The following SCAI variants were observed in gnomAD, a reference collection of about 807,000 sequenced individuals.
SCAI encodes protein SCAI.
Under a neutral mutation model 92.2 loss-of-function variants are expected in SCAI, and 24 were observed. The ratio of observed to expected loss-of-function variants is 0.26; its 90% confidence interval spans 0.19 to 0.37. SCAI has a LOEUF of 0.37. SCAI is among the 10% of genes least tolerant of loss of function. The pLI is 1.00. For synonymous variants in SCAI, 261 were observed against 258.6 expected, an observed-to-expected ratio of 1.01 and a Z score of -0.09; for missense variants, 450 against 736.2, an observed-to-expected ratio of 0.61 and a Z score of 4.50.
intron 17 of SCAI, among the ~76,000 whole-genome samples, chr9:124,958,438 A>G (rs533567190): frequency 7.2e-5 from 11 of 152,376 alleles, no homozygotes; most frequent in Admixed American, 2.0e-4. Flanking sequence ...GATTTTCAAC[A>G]AAGTTACCAA....
At chr9:124,967,090 T>C (rs757327754) in intron 17 of SCAI, among the ~76,000 whole-genome samples, 4 of 152,208 alleles carry the variant, frequency 2.6e-5, no homozygotes, top group Non-Finnish European at 5.9e-5. Flanking sequence ...TGTTGCTTCA[T>C]GTATAAAGTG....
chr9:125,107,127 C>T (rs1171183677), intron 2 of SCAI, among the ~76,000 whole-genome samples: 3 of 151,878 alleles, frequency 2.0e-5, no homozygotes, highest in Non-Finnish European at 4.4e-5. Flanking sequence ...ATAAATACAA[C>T]AGGCTGGGCA....
chr9:125,004,734 CATATATATATATATATATATATAT>C (rs1165021670), intron 9 of SCAI, among the ~76,000 whole-genome samples: 538 of 27,668 alleles, frequency 0.019, 33 homozygotes, highest in East Asian at 0.069. Flanking sequence ...AACTGTGATC[CATATATATATATATATATATATAT>C]ATATATATAT....
chr9:125,070,679 A>T (rs1750741709), intron 2 of SCAI, among the ~76,000 whole-genome samples: 1 of 152,234 alleles, frequency 6.6e-6, no homozygotes, highest in Admixed American at 6.5e-5. Context: ...GATTACAAGC[A>T]TGAGCCACCA....
chr9:125,057,785 A>G (rs1833700189), intron 2 of SCAI, among the ~76,000 whole-genome samples: 1 of 152,170 alleles, frequency 6.6e-6, no homozygotes, highest in Non-Finnish European at 1.5e-5. Context: ...CTATATAAAG[A>G]GGGAAGGATC....
intron 2 of SCAI, among the ~76,000 whole-genome samples, chr9:125,100,340 A>G (rs1367374041): frequency 6.6e-6 from 1 of 152,228 alleles, no homozygotes; most frequent in Non-Finnish European, 1.5e-5. Flanking sequence ...TGAGAGCTTT[A>G]CACAGATTCT....
At chr9:125,072,341 T>C (rs994995230) in intron 2 of SCAI, among the ~76,000 whole-genome samples, 1 of 152,166 alleles carries the variant, frequency 6.6e-6, no homozygotes, top group Non-Finnish European at 1.5e-5. Context: ...AAAGATATAG[T>C]TACATTAAAA....
In SCAI at chr9:124,971,394, G is replaced by C. The variant is rs759968649; in HGVS notation, c.1650C>G (p.Thr550=). The C allele has an allele frequency of 5.0e-6, 8 of 1,610,728 alleles. No homozygotes were observed. In the East Asian group the frequency reaches 8.9e-5, roughly 18 times the overall value. ...LLTRFIFCSA[T]MRMHKIFRET... is the part of the protein sequence containing the mutation. Reference sequence around the variant, plus strand: ...CCCGAAAAATCTTGTGCATCCTCATGGTGGCTGAACAAAAGATAAATCTTG... The same window carrying C: ...CCCGAAAAATCTTGTGCATCCTCATCGTGGCTGAACAAAAGATAAATCTTG... The change falls in exon 17 of 18, where the codon ACC becomes ACG. Residue 550 remains threonine, a synonymous_variant. Transcript: ENST00000336505.
intron 16 of SCAI, 47 bp from the exon 17 acceptor site, chr9:124,971,517 T>G: frequency 6.7e-7 from 1 of 1,497,796 alleles, no homozygotes; most frequent in Non-Finnish European, 9.2e-7. Context: ...TAAATGGAAA[T>G]TATGTTTCAA....
At chr9:125,004,257 C>A (rs961081565) in intron 9 of SCAI, among the ~76,000 whole-genome samples, 1 of 151,972 alleles carries the variant, frequency 6.6e-6, no homozygotes, top group African/African-American at 2.4e-5. Flanking sequence ...TGGATGAATT[C>A]ACACGTGTAG....
At chr9:125,047,344 G>A (rs1473040204) in intron 3 of SCAI, among the ~76,000 whole-genome samples, 2 of 152,156 alleles carry the variant, frequency 1.3e-5, no homozygotes, top group Non-Finnish European at 2.9e-5. Flanking sequence ...AGAACAAACT[G>A]AACCTGCTGA....
At chr9:125,002,945 AG>A (rs1328401205) in intron 11 of SCAI, among the ~76,000 whole-genome samples, 168 bp downstream of exon 11, 1 of 151,600 alleles carries the variant, frequency 6.6e-6, no homozygotes, top group African/African-American at 2.4e-5. Context: ...AAAAAAAAAA[AG>A]AAACAAAACA....
intron 3 of SCAI, among the ~76,000 whole-genome samples, chr9:125,034,881 G>A (rs1588166743): frequency 6.6e-6 from 1 of 152,128 alleles, no homozygotes; most frequent in Non-Finnish European, 1.5e-5. Flanking sequence ...TCCTGGCTTT[G>A]CTATGTATAA....
chr9:125,078,293 G>A (rs748486677), intron 2 of SCAI, among the ~76,000 whole-genome samples: 5 of 152,108 alleles, frequency 3.3e-5, no homozygotes, highest in Admixed American at 6.6e-5. Flanking sequence ...TTGGAAGGCC[G>A]AGGTAAGCGG....
rs576363280 is a variant in SCAI at position 125,082,689 on chromosome 9, T to C, written c.99-26682A>G. Among the ~76,000 whole-genome samples, 20 of 152,354 alleles carry C rather than the reference T, an allele frequency of 1.3e-4. No individual in the cohort carries two copies. In the South Asian group the frequency reaches 3.1e-3, roughly 24 times the overall value. ...ATCAGCATGACCTGGGTGTGAGACATGGCATCAAAGGAGTTCATTTTGGAG... is the reference window on the plus strand; with the variant it reads ...ATCAGCATGACCTGGGTGTGAGACACGGCATCAAAGGAGTTCATTTTGGAG... On this transcript the variant is annotated intron_variant, in intron 2 of 17. Coordinates refer to ENST00000336505, the MANE Select transcript of SCAI (RefSeq NM_001144877.3).
intron 14 of SCAI, among the ~76,000 whole-genome samples, chr9:124,993,171 C>T (rs1036385099): frequency 3.3e-5 from 5 of 152,238 alleles, no homozygotes; most frequent in African/African-American, 4.8e-5. Context: ...TCTGTGAAGA[C>T]ACAAAATGCC....
intron 17 of SCAI, among the ~76,000 whole-genome samples, chr9:124,969,362 T>A (rs893913212): frequency 2.6e-5 from 4 of 151,994 alleles, no homozygotes; most frequent in African/African-American, 7.2e-5. Context: ...GAAAAAAAAA[T>A]TTTCCTTACA....
intron 2 of SCAI, among the ~76,000 whole-genome samples, chr9:125,109,042 T>TA (rs1834877608): frequency 2.6e-5 from 4 of 152,366 alleles, no homozygotes; most frequent in South Asian, 2.1e-4. Flanking sequence ...GGGATGCTGT[T>TA]GATCTATCAC....
intron 3 of SCAI, among the ~76,000 whole-genome samples, chr9:125,040,508 T>C (rs1833297619): frequency 6.6e-6 from 1 of 152,242 alleles, no homozygotes; most frequent in African/African-American, 2.4e-5. Context: ...GTTTCTTTAA[T>C]ACATAGAGAA....
Sources: allele counts gnomAD v4.1 joint callset (sites outside exome capture counted in the v4.1 genomes callset), GRCh38; gene constraint gnomAD v4.1.1; transcripts MANE v1.5; gene names NCBI Gene and HGNC (gene_info 2026-07-23, HGNC 2026-07-21).